Variants in CEP83 observed in about 807,000 individuals in gnomAD.
CEP83 encodes centrosomal protein 83, also known as centrosomal protein of 83 kDa.
Under a neutral mutation model 101.9 loss-of-function variants are expected in CEP83, and 70 were observed. The observed-to-expected ratio is 0.69, with a 90% CI of 0.57 to 0.84. The LOEUF is 0.84. CEP83 is among the 40% of genes least tolerant of loss of function. The pLI is 0.00. For missense variants in CEP83, 715 were observed against 787.2 expected, an observed-to-expected ratio of 0.91 and a Z score of 1.10; for synonymous variants, 264 against 267.9, an observed-to-expected ratio of 0.99 and a Z score of 0.14.
At chr12:94,268,588 CTTTTTTTT>C in the CEP83 span, among the ~76,000 whole-genome samples, 1 of 90,878 alleles carries the variant, frequency 1.1e-5, no homozygotes, top group African/African-American at 4.6e-5. Context: ...AGAATAAGAC[CTTTTTTTT>C]TTTTTTTTTT....
chr12:94,298,930 C>T, the CEP83 span: 1 of 779,278 alleles, frequency 1.3e-6, no homozygotes, highest in African/African-American at 1.8e-5. Context: ...GCTATCATGT[C>T]AAAGTAGTTT....
At chr12:94,458,472 C>T (rs1250693374) in intron 1 of CEP83, among the ~76,000 whole-genome samples, 1 of 152,154 alleles carries the variant, frequency 6.6e-6, no homozygotes, top group Non-Finnish European at 1.5e-5. Flanking sequence ...GGTGCGGTGG[C>T]TCACACCTGT....
chr12:94,321,212 C>G (rs538241203), intron 14 of CEP83, among the ~76,000 whole-genome samples: 3 of 152,308 alleles, frequency 2.0e-5, no homozygotes, highest in African/African-American at 7.2e-5. Context: ...TTTTTCAGCT[C>G]TATCAGATCA....
intron 7 of CEP83, among the ~76,000 whole-genome samples, chr12:94,376,688 TATACACACACACAC>T (rs1176181669): frequency 1.1e-5 from 1 of 87,502 alleles, no homozygotes; most frequent in East Asian, 2.8e-4. Context: ...TATATACATA[TATACACACACACAC>T]ACACACACAC....
rs1248134743 is a variant in CEP83 at position 94,423,511 on chromosome 12, T to C, written c.-101-10920A>G. Among the ~76,000 whole-genome samples the C allele has an allele frequency of 2.0e-5, 3 of 150,080 alleles. No homozygotes were observed. In the Admixed American group the frequency reaches 2.0e-4, roughly 10 times the overall value. ...AAAGTTTTTTTGATCTCCTTGAATG[T>C]AGCACACAAAAAAAGTGATGGCTCC... On this transcript the variant is annotated intron_variant, in intron 2 of 16. Coordinates refer to ENST00000397809, the MANE Select transcript of CEP83 (RefSeq NM_016122.3).
chr12:94,451,036 G>A (rs1340077648), intron 1 of CEP83, among the ~76,000 whole-genome samples: 1 of 152,200 alleles, frequency 6.6e-6, no homozygotes, highest in African/African-American at 2.4e-5. Context: ...ATAGTCAACT[G>A]ATATTTTACA....
intron 7 of CEP83, among the ~76,000 whole-genome samples, chr12:94,376,732 CATAT>C (rs141020909): frequency 4.2e-5 from 4 of 95,020 alleles, no homozygotes; most frequent in Non-Finnish European, 6.7e-5. Context: ...CACACACACA[CATAT>C]ATATATATAT....
intron 4 of CEP83, among the ~76,000 whole-genome samples, chr12:94,404,572 T>C (rs1327154893): frequency 2.0e-5 from 3 of 152,106 alleles, no homozygotes; most frequent in African/African-American, 7.2e-5. Flanking sequence ...AAATGCCACC[T>C]TGGAGGGCTG....
chr12:94,369,884 A>AAGCAGCAGC, intron 9 of CEP83, 38 bp downstream of exon 9: 1 of 1,029,196 alleles, frequency 9.7e-7, no homozygotes, highest in Non-Finnish European at 1.5e-6. Context: ...ATCTGAAAAT[A>AAGCAGCAGC]AGCAGCAGCA....
the CEP83 span, among the ~76,000 whole-genome samples, chr12:94,298,321 T>A: frequency 2.0e-5 from 3 of 152,234 alleles, no homozygotes; most frequent in African/African-American, 7.2e-5. Context: ...CATGGCTTCC[T>A]GGTTTATGTA....
At chr12:94,304,121 A>C (rs1968765141), downstream of CEP83, 2 of 1,016,900 alleles carry the variant, frequency 2.0e-6, no homozygotes, top group Non-Finnish European at 3.0e-6. Context: ...GCATTCTGTC[A>C]GTTTCAGAAC....
chr12:94,343,931 G>A (rs2059819117), intron 11 of CEP83, among the ~76,000 whole-genome samples: 1 of 152,178 alleles, frequency 6.6e-6, no homozygotes, highest in South Asian at 2.1e-4. Context: ...AGTCATATGG[G>A]TGGGCCCTAA....
chr12:94,359,362 G>T (rs551459170), intron 11 of CEP83, among the ~76,000 whole-genome samples: 1 of 151,982 alleles, frequency 6.6e-6, no homozygotes, highest in South Asian at 2.1e-4. Context: ...TTGGTTTTTT[G>T]AAAAAACAAA....
chr12:94,376,124 C>T (rs1475374503), intron 7 of CEP83, 107 bp from the exon 8 acceptor site: 2 of 705,096 alleles, frequency 2.8e-6, no homozygotes, highest in African/African-American at 3.7e-5. Flanking sequence ...TTATTCAAAA[C>T]CTCAACTTAA....
chr12:94,349,804 A>T (rs2060119414), intron 11 of CEP83, among the ~76,000 whole-genome samples: 1 of 152,226 alleles, frequency 6.6e-6, no homozygotes, highest in Non-Finnish European at 1.5e-5. Flanking sequence ...TGAATTCAGC[A>T]AAGTAGCTGA....
intron 14 of CEP83, among the ~76,000 whole-genome samples, chr12:94,315,813 G>C (rs1272025271): frequency 6.6e-6 from 1 of 151,930 alleles, no homozygotes; most frequent in African/African-American, 2.4e-5. Context: ...TTATCGAAAT[G>C]CAGTGGTACC....
chr12:94,363,529 G>T lies in CEP83; in HGVS notation c.1343+4265C>A, dbSNP rs1400778869. On this transcript the variant is annotated intron_variant, in intron 11 of 16. Transcript: ENST00000397809. ...ACTGAAACCAAGGTCGTAAGGAGATGTTTGTACACACATGTTCATAACAGC... is the reference window on the plus strand; with the variant it reads ...ACTGAAACCAAGGTCGTAAGGAGATTTTTGTACACACATGTTCATAACAGC... Among the ~76,000 whole-genome samples the T allele has an allele frequency of 2.0e-5, 3 of 152,174 alleles. No homozygotes were observed. The East Asian group carries it at 5.8e-4, about 29-fold the overall frequency.
chr12:94,294,585 A>ATAAAG, the CEP83 span: 9 of 854,196 alleles, frequency 1.1e-5, no homozygotes, highest in Non-Finnish European at 1.6e-5. Context: ...ACCCAGCTTC[A>ATAAAG]TAAAGTATTG....
chr12:94,321,957 C>T (rs1593140085), intron 14 of CEP83, among the ~76,000 whole-genome samples: 1 of 151,960 alleles, frequency 6.6e-6, no homozygotes, highest in African/African-American at 2.4e-5. Flanking sequence ...CCCTTTTCAT[C>T]TTAAATTTTC....
Sources: gnomAD v4.1 joint callset for allele counts (sites outside exome capture counted in the v4.1 genomes callset) on GRCh38, gnomAD v4.1.1 for gene constraint, MANE v1.5 for transcripts, NCBI Gene and HGNC (gene_info 2026-07-23, HGNC 2026-07-21) for gene names.